RFX3: variants seen among roughly 807,000 people sequenced by gnomAD.
RFX3 encodes the protein transcription factor RFX3.
A neutral mutation model predicts 98.6 loss-of-function variants in RFX3; 14 were observed. That is an observed-to-expected ratio of 0.14 (90% CI 0.09 to 0.22). The LOEUF is 0.22. Among genes scored for constraint, RFX3 ranks in the 10% least tolerant of loss-of-function variants. RFX3 has a pLI of 1.00. For synonymous variants in RFX3, 383 were observed against 328.4 expected, an observed-to-expected ratio of 1.17 and a Z score of -1.80; for missense variants, 639 against 926.9, an observed-to-expected ratio of 0.69 and a Z score of 4.03.
At chr9:3,324,586 T>TAAAA (rs75741380) in intron 4 of RFX3, among the ~76,000 whole-genome samples, 1 of 135,072 alleles carries the variant, frequency 7.4e-6, no homozygotes, top group African/African-American at 2.7e-5. Context: ...ACCATTTGTG[T>TAAAA]AAAAAAAAAA....
intron 11 of RFX3, among the ~76,000 whole-genome samples, chr9:3,266,946 G>C (rs760233234): frequency 2.6e-5 from 4 of 151,998 alleles, no homozygotes; most frequent in Non-Finnish European, 4.4e-5. Context: ...GTATTCTTAA[G>C]ATACTCCTAA....
At chr9:3,431,027 C>T (rs904075399) in intron 1 of RFX3, among the ~76,000 whole-genome samples, 2 of 152,008 alleles carry the variant, frequency 1.3e-5, no homozygotes, top group Admixed American at 6.5e-5. Context: ...GTAAAGATGC[C>T]GTATTAAATA....
At chr9:3,461,210 CTA>C (rs1178059229) in intron 1 of RFX3, among the ~76,000 whole-genome samples, 1 of 151,766 alleles carries the variant, frequency 6.6e-6, no homozygotes, top group Non-Finnish European at 1.5e-5. Flanking sequence ...GAGCAACAAA[CTA>C]TTTTCATCAC....
At chr9:3,286,675 C>T (rs1459598673) in intron 7 of RFX3, among the ~76,000 whole-genome samples, 1 of 151,910 alleles carries the variant, frequency 6.6e-6, no homozygotes, top group African/African-American at 2.4e-5. Context: ...CTATGTTCTG[C>T]ACAAAGAACA....
chr9:3,340,716 A>G (rs1833787886), intron 3 of RFX3, among the ~76,000 whole-genome samples: 2 of 152,208 alleles, frequency 1.3e-5, no homozygotes, highest in African/African-American at 4.8e-5. Flanking sequence ...ACCATCTCAC[A>G]CCAGTTAGAA....
intron 5 of RFX3, among the ~76,000 whole-genome samples, chr9:3,297,349 A>G (rs1223073973): frequency 6.6e-6 from 1 of 152,082 alleles, no homozygotes; most frequent in Non-Finnish European, 1.5e-5. Flanking sequence ...TATCTTTAAA[A>G]CTTGATTACT....
intron 1 of RFX3, among the ~76,000 whole-genome samples, chr9:3,487,589 T>C (rs540043726): frequency 6.6e-6 from 1 of 152,220 alleles, no homozygotes; most frequent in Non-Finnish European, 1.5e-5. Context: ...TTCTAGCAAC[T>C]GCAATAACAA....
chr9:3,503,565 T>G (rs1001683812), intron 1 of RFX3, among the ~76,000 whole-genome samples: 9 of 152,094 alleles, frequency 5.9e-5, no homozygotes, highest in Admixed American at 1.3e-4. Context: ...AAAATATGGT[T>G]GTGACACTAG....
intron 1 of RFX3, among the ~76,000 whole-genome samples, chr9:3,403,808 A>T (rs1338141433): frequency 6.6e-6 from 1 of 152,188 alleles, no homozygotes; most frequent in African/African-American, 2.4e-5. Flanking sequence ...CACAAAAGAA[A>T]CGAGCAGGTA....
chr9:3,431,161 C>T (rs1321011858), intron 1 of RFX3, among the ~76,000 whole-genome samples: 1 of 152,208 alleles, frequency 6.6e-6, no homozygotes, highest in Non-Finnish European at 1.5e-5. Context: ...CTAATCATCT[C>T]TGAGTGAGCA....
chr9:3,265,891 A>G (rs999912834), intron 12 of RFX3, among the ~76,000 whole-genome samples: 6 of 152,230 alleles, frequency 3.9e-5, no homozygotes, highest in Admixed American at 1.3e-4. Flanking sequence ...ATTTGAAATT[A>G]AACATTTATA....
intron 1 of RFX3, among the ~76,000 whole-genome samples, chr9:3,487,772 G>T (rs1564165775): frequency 1.3e-5 from 2 of 152,068 alleles, no homozygotes. Flanking sequence ...GGTGTCCCCT[G>T]AAAATTCAAG....
chr9:3,321,934 C>T (rs565053121), intron 4 of RFX3, among the ~76,000 whole-genome samples: 15 of 152,050 alleles, frequency 9.9e-5, no homozygotes, highest in Non-Finnish European at 1.8e-4. Context: ...TTAATATATA[C>T]AATATTCCTG....
At chr9:3,344,308 C>T (rs529060935) in intron 3 of RFX3, among the ~76,000 whole-genome samples, 66 of 152,170 alleles carry the variant, frequency 4.3e-4, no homozygotes, top group African/African-American at 1.4e-3. Context: ...AGCAGTGTTT[C>T]GAATTTTTTA....
intron 1 of RFX3, among the ~76,000 whole-genome samples, chr9:3,517,715 C>T (rs1404491061): frequency 3.3e-5 from 5 of 152,132 alleles, no homozygotes; most frequent in Admixed American, 6.5e-5. Flanking sequence ...TAGCCAGAGG[C>T]CAGTACATAG....
At chr9:3,292,831 T>C (rs1711907277) in intron 6 of RFX3, among the ~76,000 whole-genome samples, 1 of 152,168 alleles carries the variant, frequency 6.6e-6, no homozygotes, top group African/African-American at 2.4e-5. Context: ...AATTTCTATG[T>C]AGTTTGAGAA....
At chr9:3,389,786 T>C (rs1247651455) in intron 2 of RFX3, among the ~76,000 whole-genome samples, 1 of 152,088 alleles carries the variant, frequency 6.6e-6, no homozygotes, top group African/African-American at 2.4e-5. Context: ...ACCCCCAAGA[T>C]CTCTCATTAT....
intron 1 of RFX3, among the ~76,000 whole-genome samples, chr9:3,498,810 G>T (rs1564176909): frequency 6.6e-6 from 1 of 152,054 alleles, no homozygotes; most frequent in African/African-American, 2.4e-5. Flanking sequence ...ATTACATCCG[G>T]CCTGGTCACT....
chr9:3,471,386 T>C (rs1848759437), intron 1 of RFX3, among the ~76,000 whole-genome samples: 2 of 152,206 alleles, frequency 1.3e-5, no homozygotes, highest in Non-Finnish European at 2.9e-5. Context: ...AGAGTAATGG[T>C]AAAGCCAAGT....
Sources: allele counts gnomAD v4.1 joint callset (sites outside exome capture counted in the v4.1 genomes callset), GRCh38; gene constraint gnomAD v4.1.1; transcripts MANE v1.5; gene names NCBI Gene and HGNC (gene_info 2026-07-23, HGNC 2026-07-21).